CNTN3: variants seen among roughly 807,000 people sequenced by gnomAD.
The protein encoded by CNTN3 is contactin 3.
Under a neutral mutation model 119.1 loss-of-function variants are expected in CNTN3, and 60 were observed. The observed-to-expected ratio is 0.50, with a 90% CI of 0.41 to 0.62. The LOEUF is 0.62. CNTN3 is among the 20% of genes least tolerant of loss of function. CNTN3 has a pLI of 0.00. For missense variants in CNTN3, 1,101 were observed against 1,242.4 expected, an observed-to-expected ratio of 0.89 and a Z score of 1.71; for synonymous variants, 450 against 438.7, an observed-to-expected ratio of 1.03 and a Z score of -0.32.
chr3:74,576,457 T>C (rs1158287702), intron 1 of CNTN3, among the ~76,000 whole-genome samples: 1 of 151,930 alleles, frequency 6.6e-6, no homozygotes, highest in African/African-American at 2.4e-5. Flanking sequence ...CACAATTTCT[T>C]GAGCAGAGAA....
intron 2 of CNTN3, among the ~76,000 whole-genome samples, chr3:74,501,407 G>C (rs1233789965): frequency 2.0e-5 from 3 of 152,028 alleles, no homozygotes; most frequent in African/African-American, 7.2e-5. Flanking sequence ...GGAAGGGTCA[G>C]ATGTCCTGTG....
intron 1 of CNTN3, among the ~76,000 whole-genome samples, chr3:74,580,760 A>G (rs2106667260): frequency 6.6e-6 from 1 of 152,316 alleles, no homozygotes; most frequent in South Asian, 2.1e-4. Flanking sequence ...TACAACTAAC[A>G]TCATACTAGT....
chr3:74,579,519 G>T (rs1429397174), intron 1 of CNTN3, among the ~76,000 whole-genome samples: 1 of 151,980 alleles, frequency 6.6e-6, no homozygotes, highest in Non-Finnish European at 1.5e-5. Context: ...ATCATGTTTT[G>T]CTCTATAAAA....
intron 2 of CNTN3, among the ~76,000 whole-genome samples, chr3:74,512,664 T>C (rs1437186369): frequency 1.5e-5 from 2 of 133,348 alleles, no homozygotes; most frequent in Admixed American, 8.7e-5. Flanking sequence ...GCACTGAGTA[T>C]TCTCATTTGT....
chr3:74,267,578 C>T (rs1701688574), intron 20 of CNTN3, 200 bp from the exon 21 acceptor site: 1 of 499,604 alleles, frequency 2.0e-6, no homozygotes, highest in African/African-American at 1.9e-5. Flanking sequence ...CATTCATACA[C>T]CAAACCCCCG....
intron 1 of CNTN3, among the ~76,000 whole-genome samples, chr3:74,594,655 C>A (rs1449054774): frequency 6.6e-6 from 1 of 152,072 alleles, no homozygotes; most frequent in African/African-American, 2.4e-5. Flanking sequence ...CATAGTATCC[C>A]ATGGTGTATA....
chr3:74,407,262 C>CTTTT (rs1553656421), intron 5 of CNTN3, among the ~76,000 whole-genome samples: 3 of 82,202 alleles, frequency 3.6e-5, no homozygotes, highest in East Asian at 5.0e-4. Context: ...GCCAAATATT[C>CTTTT]TATTTTTTTT....
chr3:74,593,438 T>G (rs1704738239), intron 1 of CNTN3, among the ~76,000 whole-genome samples: 1 of 151,990 alleles, frequency 6.6e-6, no homozygotes. Context: ...GACTTTAAAT[T>G]TCCAAAAATA....
intron 4 of CNTN3, among the ~76,000 whole-genome samples, chr3:74,465,896 G>A (rs990653631): frequency 6.6e-6 from 1 of 152,146 alleles, no homozygotes; most frequent in African/African-American, 2.4e-5. Flanking sequence ...GGTGGAGGCT[G>A]CCCCAGAATG....
intron 5 of CNTN3, among the ~76,000 whole-genome samples, chr3:74,389,379 C>T (rs1213689733): frequency 3.3e-5 from 5 of 152,080 alleles, no homozygotes; most frequent in Admixed American, 3.3e-4. Context: ...ATTTAAAAGC[C>T]ATTTTACAGA....
At chr3:74,436,121 G>A (rs961906496) in intron 4 of CNTN3, among the ~76,000 whole-genome samples, 1 of 152,154 alleles carries the variant, frequency 6.6e-6, no homozygotes, top group Non-Finnish European at 1.5e-5. Flanking sequence ...AGGGTATTTG[G>A]ACAAGCGAGC....
intron 19 of CNTN3, among the ~76,000 whole-genome samples, chr3:74,287,724 G>A (rs573311756): frequency 6.6e-6 from 1 of 152,266 alleles, no homozygotes; most frequent in African/African-American, 2.4e-5. Flanking sequence ...GCTGGGTGTA[G>A]GTAATAGGAT....
chr3:74,508,038 C>G (rs552581326), intron 2 of CNTN3, among the ~76,000 whole-genome samples: 1 of 152,124 alleles, frequency 6.6e-6, no homozygotes, highest in Non-Finnish European at 1.5e-5. Context: ...GGAAGCAGAA[C>G]AGAAAGGATA....
At chr3:74,590,619 T>C (rs1462479615) in intron 1 of CNTN3, among the ~76,000 whole-genome samples, 5 of 152,018 alleles carry the variant, frequency 3.3e-5, no homozygotes, top group Admixed American at 1.3e-4. Flanking sequence ...ATACAGGCCA[T>C]GGGGCTAGAT....
At chr3:74,440,672 C>T (rs1390877924) in intron 4 of CNTN3, among the ~76,000 whole-genome samples, 2 of 151,346 alleles carry the variant, frequency 1.3e-5, no homozygotes, top group Non-Finnish European at 1.5e-5. Flanking sequence ...TTTTTTTTTA[C>T]TTTAAGTACT....
chr3:74,407,202 A>C (rs1034077983), intron 5 of CNTN3, among the ~76,000 whole-genome samples: 1 of 151,982 alleles, frequency 6.6e-6, no homozygotes, highest in Non-Finnish European at 1.5e-5. Context: ...TGTGGGTGCT[A>C]GAAGCATTAC....
chr3:74,371,130 A>G, intron 6 of CNTN3, 66 bp downstream of exon 6: 2 of 1,143,218 alleles, frequency 1.7e-6, no homozygotes, highest in East Asian at 2.4e-5. Context: ...ACATTTTCCC[A>G]ATTGCTTTTG....
At chr3:74,558,747 C>T (rs768988827) in intron 1 of CNTN3, among the ~76,000 whole-genome samples, 30 of 151,956 alleles carry the variant, frequency 2.0e-4, no homozygotes, top group Non-Finnish European at 3.8e-4. Flanking sequence ...TTTGGGAGGC[C>T]GAGGCAGGCA....
At chr3:74,413,572 T>C (rs1036590132) in intron 5 of CNTN3, among the ~76,000 whole-genome samples, 17 of 152,178 alleles carry the variant, frequency 1.1e-4, no homozygotes, top group Non-Finnish European at 2.1e-4. Context: ...AATAAAGTAA[T>C]TGATGCTGTT....
Sources: gnomAD v4.1 joint callset for allele counts (sites outside exome capture counted in the v4.1 genomes callset) on GRCh38, gnomAD v4.1.1 for gene constraint, MANE v1.5 for transcripts, NCBI Gene and HGNC (gene_info 2026-07-23, HGNC 2026-07-21) for gene names.